NSD1: variants seen among roughly 807,000 people sequenced by gnomAD.
NSD1 encodes nuclear receptor binding SET domain protein 1.
In NSD1, 26 loss-of-function variants were observed where a neutral mutation model predicts 242.7. The observed-to-expected ratio is 0.11, with a 90% CI of 0.08 to 0.15. NSD1 has a LOEUF of 0.15. Ranked by LOEUF, NSD1 falls within the 10% of genes least tolerant of loss-of-function variation. NSD1 has a pLI of 1.00. For synonymous variants in NSD1, 1,106 were observed against 1,178.1 expected, an observed-to-expected ratio of 0.94 and a Z score of 1.25; for missense variants, 2,495 against 3,272.8, an observed-to-expected ratio of 0.76 and a Z score of 5.80.
intron 3 of NSD1, among the ~76,000 whole-genome samples, chr5:177,202,204 T>C (rs1283317097): frequency 6.6e-6 from 1 of 151,948 alleles, no homozygotes; most frequent in Non-Finnish European, 1.5e-5. Context: ...GTACTTCATT[T>C]GTCTCCTCCC....
chr5:177,273,610 G>A, intron 16 of NSD1, 62 bp from the exon 17 acceptor site: 2 of 1,280,048 alleles, frequency 1.6e-6, no homozygotes, highest in Non-Finnish European at 1.1e-6. Context: ...TAAAAAATAA[G>A]TGAATAAATA....
At chr5:177,161,760 C>T (rs1042393092) in intron 2 of NSD1, among the ~76,000 whole-genome samples, 2 of 150,144 alleles carry the variant, frequency 1.3e-5, no homozygotes, top group Non-Finnish European at 3.0e-5. Flanking sequence ...ACACTTGCAA[C>T]CTCTGCCTCC....
intron 14 of NSD1, chr5:177,265,932 C>T: frequency 9.6e-6 from 13 of 1,355,884 alleles, no homozygotes; most frequent in Non-Finnish European, 1.4e-5. Context: ...ATGTCTACCT[C>T]CTTTATGAGG....
Position 177,186,004 on chromosome 5 carries a change from TTATATTATATATTA to T in NSD1, c.928-5866_928-5853del, listed in dbSNP as rs1273170471. Among the ~76,000 whole-genome samples, 286 of 102,314 alleles carry T rather than the reference TTATATTATATATTA, an allele frequency of 2.8e-3. 2 individuals carry two copies. Among genetic ancestry groups the T allele is most frequent in the African/African-American group, 0.01 (264 of 25,416 alleles). The allele number at this position is 102,314 out of a possible 152,430, so 67.1% of individuals were successfully genotyped here. ...TATTATATATTTTATATTATATAAT[TTATATTATATATTA>T]TATATTATATATTTTTTATATATAT... is the stretch of plus-strand genomic sequence containing the variant. On this transcript the variant is annotated intron_variant, in intron 2 of 22. Coordinates refer to ENST00000439151, the MANE Select transcript of NSD1 (RefSeq NM_022455.5).
intron 20 of NSD1, among the ~76,000 whole-genome samples, chr5:177,287,511 C>T (rs1759432320): frequency 6.6e-6 from 1 of 152,210 alleles, no homozygotes; most frequent in Non-Finnish European, 1.5e-5. Context: ...TGGCAGGCGC[C>T]TGTAATCCCA....
At chr5:177,170,645 G>A (rs990250770) in intron 2 of NSD1, among the ~76,000 whole-genome samples, 1 of 152,160 alleles carries the variant, frequency 6.6e-6, no homozygotes, top group Non-Finnish European at 1.5e-5. Flanking sequence ...GAGCCACTGC[G>A]CCTGGCCAAC....
intron 11 of NSD1, among the ~76,000 whole-genome samples, chr5:177,250,523 G>A (rs1369285617): frequency 2.7e-5 from 4 of 149,514 alleles, no homozygotes; most frequent in Non-Finnish European, 5.9e-5. Context: ...TCTAATTCAC[G>A]TTGTAATTAA....
At chr5:177,277,960 C>G (rs1284856144) in intron 17 of NSD1, among the ~76,000 whole-genome samples, 1 of 152,202 alleles carries the variant, frequency 6.6e-6, no homozygotes, top group East Asian at 1.9e-4. Flanking sequence ...TTCAAATGCC[C>G]TATTCAGGAC....
At chr5:177,281,049 G>C (rs1758836449) in intron 18 of NSD1, among the ~76,000 whole-genome samples, 1 of 152,150 alleles carries the variant, frequency 6.6e-6, no homozygotes, top group South Asian at 2.1e-4. Flanking sequence ...TCACTGTGTA[G>C]GAGGTTGGAA....
Position 177,294,192 on chromosome 5 carries a change from G to A in NSD1, c.6824G>A (p.Arg2275Lys). The A allele has an allele frequency of 6.2e-7, 1 of 1,613,432 alleles. No homozygotes were observed. Among genetic ancestry groups the A allele is most frequent in the Non-Finnish European group, 8.5e-7 (1 of 1,179,472 alleles). ...AAAGCTCTGGCAGGGACTTGTCAGA[G>A]GCCATTGCTACCTGAAAGACCTCTT... The part of the protein sequence containing the change: ...SKKALAGTCQ[R>K]PLLPERPLER... The change falls in exon 23 of 23, where the codon AGG becomes AAG. Residue 2275 changes from arginine (R) to lysine (K), a missense_variant. Arg to Lys is a conservative substitution (Grantham distance 26, BLOSUM62 2). Transcript: ENST00000439151.
intron 5 of NSD1, among the ~76,000 whole-genome samples, chr5:177,219,017 A>G (rs188469564): frequency 2.6e-5 from 4 of 151,572 alleles, no homozygotes; most frequent in Admixed American, 1.3e-4. Context: ...TTTCATTTCT[A>G]TATGCTCTAG....
chr5:177,140,364 A>G (rs952996120), intron 2 of NSD1, among the ~76,000 whole-genome samples: 1 of 152,122 alleles, frequency 6.6e-6, no homozygotes, highest in Admixed American at 6.6e-5. Context: ...TAGTCAGGTA[A>G]TGGGGCCTAG....
rs1005549338 is a variant in NSD1, at chr5:177,135,072, G to A, written c.-17-15G>A. On this transcript the variant is annotated splice_polypyrimidine_tract_variant and intron_variant, in intron 1 of 22. Transcript: ENST00000439151. ...CCTATTAACTCAGATTAATTGCTGT[G>A]CTTTTGGATTCCAGGTTGATGCCGG... The A allele has an allele frequency of 6.2e-7, 1 of 1,610,124 alleles. No homozygotes were observed. Among genetic ancestry groups the A allele is most frequent in the African/African-American group, 1.3e-5 (1 of 74,936 alleles).
chr5:177,211,641 G>C lies in NSD1; in HGVS notation c.3242G>C (p.Gly1081Ala), dbSNP rs765102184. 6.2e-7 allele frequency: 1 copy of C among 1,614,078 alleles called. No individual in the cohort carries two copies. Among genetic ancestry groups the C allele is most frequent in the Non-Finnish European group, 8.5e-7 (1 of 1,180,020 alleles). ...DRERGGSLRG[G>A]AEDPSKEDPL... ...GAACGTGGAGGTTCATTGAGAGGTG[G>C]GGCAGAAGATCCTAGTAAAGAGGAT... The change falls in exon 5 of 23, where the codon GGG (glycine) becomes GCG (alanine). Residue 1081 changes from glycine to alanine, a missense_variant. Physicochemically the swap from Gly to Ala is moderately conservative, Grantham distance 60. Around this residue, in one of 19 missense-constraint regions of NSD1, gnomAD observed 426 missense variants for 411.4 expected, o/e 1.04. Coordinates refer to ENST00000439151, the MANE Select transcript of NSD1 (RefSeq NM_022455.5).
chr5:177,261,923 G>GTA (rs1757027112), intron 14 of NSD1, among the ~76,000 whole-genome samples: 1 of 152,126 alleles, frequency 6.6e-6, no homozygotes. Context: ...ATTTTAAAAA[G>GTA]AGTCAATATA....
At chr5:177,176,034 C>T (rs1292827520) in intron 2 of NSD1, among the ~76,000 whole-genome samples, 1 of 151,992 alleles carries the variant, frequency 6.6e-6, no homozygotes, top group Admixed American at 6.6e-5. Context: ...TGCCAACATG[C>T]CCAGCTAATT....
At chr5:177,273,601 A>G (rs939160046) in intron 16 of NSD1, 71 bp from the exon 17 acceptor site, 40 of 1,236,774 alleles carry the variant, frequency 3.2e-5, no homozygotes, top group Non-Finnish European at 4.8e-5. Context: ...GGGAAAAAGT[A>G]AAAAATAAGT....
In NSD1 at chr5:177,236,078, C is replaced by T. The variant is rs377376891; in HGVS notation, c.3921+133C>T. 311 of 926,232 alleles carry T rather than the reference C, an allele frequency of 3.4e-4. No homozygotes were observed. The African/African-American group carries it at 4.5e-3, about 13-fold the overall frequency. 57.4% of individuals were successfully genotyped at this position (926,232 alleles called of 1,614,324 possible). A position where few individuals can be genotyped will look rare whatever the true frequency, so the allele number is the denominator to read the frequency against. On this transcript the variant is annotated intron_variant, in intron 6 of 22. Coordinates refer to ENST00000439151, the MANE Select transcript of NSD1 (RefSeq NM_022455.5). ...CTTGTTTTTTATTCTCAGCTTCTAG[C>T]ACAGTACTTAGGATTTAGTGGTTAT... is the stretch of plus-strand genomic sequence containing the variant.
intron 2 of NSD1, among the ~76,000 whole-genome samples, chr5:177,151,105 C>T (rs750467715): frequency 1.3e-4 from 20 of 152,210 alleles, no homozygotes; most frequent in Non-Finnish European, 2.4e-4. Flanking sequence ...CAGCAGGGCA[C>T]GGTGGCTCAC....
Sources: allele counts gnomAD v4.1 joint callset (sites outside exome capture counted in the v4.1 genomes callset), GRCh38; gene constraint gnomAD v4.1.1; regional missense constraint gnomAD v4.1.1; transcripts MANE v1.5; gene names NCBI Gene and HGNC (gene_info 2026-07-23, HGNC 2026-07-21).